SS18L2: variants seen among roughly 807,000 people sequenced by gnomAD.
SS18L2 encodes the protein SS18-like protein 2.
In SS18L2, 8 loss-of-function variants were observed where a neutral mutation model predicts 10.3. The observed-to-expected ratio is 0.78, with a 90% CI of 0.46 to 1.41. SS18L2 has a LOEUF of 1.41. Ranked by LOEUF, SS18L2 falls within the 40% of genes most tolerant of loss-of-function variation. The probability of loss-of-function intolerance (pLI) is 0.00; values close to 1 mark genes in which losing one functional copy is unlikely to be tolerated. For missense variants in SS18L2, 100 were observed against 96.2 expected (o/e 1.04, Z -0.17); for synonymous variants, 41 against 34.6 (o/e 1.19, Z -0.65).
At chr3:42,586,769 T>C (rs1189922129), upstream of SS18L2, among the ~76,000 whole-genome samples, 1 of 152,182 alleles carries the variant, frequency 6.6e-6, no homozygotes, top group African/African-American at 2.4e-5. Flanking sequence ...GTGATGTTTC[T>C]CAAAGCTGTA....
At chr3:42,591,153 T>C in intron 1 of SS18L2, 187 bp downstream of exon 1, 1 of 653,386 alleles carries the variant, frequency 1.5e-6, no homozygotes, top group Non-Finnish European at 2.7e-6. Flanking sequence ...CGGCATGGGG[T>C]TCGGTCCCCC....
At chr3:42,588,420 C>CAA (rs1559535238), upstream of SS18L2, among the ~76,000 whole-genome samples, 3 of 151,984 alleles carry the variant, frequency 2.0e-5, no homozygotes, top group Non-Finnish European at 4.4e-5. Context: ...ACAACAACAA[C>CAA]AAAAAAACCC....
intron 1 of SS18L2, among the ~76,000 whole-genome samples, chr3:42,585,155 C>CA (rs1481760968): frequency 6.6e-6 from 1 of 151,772 alleles, no homozygotes; most frequent in African/African-American, 2.4e-5. Context: ...CAAAACAAAA[C>CA]AAACAAACAA....
At chr3:42,583,600 T>G (rs548776570) in intron 1 of SS18L2, among the ~76,000 whole-genome samples, 1 of 152,318 alleles carries the variant, frequency 6.6e-6, no homozygotes, top group East Asian at 1.9e-4. Flanking sequence ...TAAGGGATAC[T>G]CAGGTAGCTG....
chr3:42,594,287 C>T (rs1402130248), intron 2 of SS18L2, 135 bp from the exon 3 acceptor site: 11 of 649,458 alleles, frequency 1.7e-5, no homozygotes, highest in Non-Finnish European at 2.2e-5. Context: ...ATATGTTAAA[C>T]AAGAAGGTTG....
intron 1 of SS18L2, 81 bp downstream of exon 1, chr3:42,591,047 A>C: frequency 6.9e-7 from 1 of 1,457,138 alleles, no homozygotes; most frequent in Non-Finnish European, 9.3e-7. Context: ...AGCATCCTGT[A>C]GTGAGCGGCC....
At chr3:42,591,357 C>G (rs1036908959) in intron 1 of SS18L2, 168 bp from the exon 2 acceptor site, 9 of 607,416 alleles carry the variant, frequency 1.5e-5, no homozygotes, top group Non-Finnish European at 2.6e-5. Flanking sequence ...CGACGCCACT[C>G]CCGGCTAATT....
rs779902672 is a variant in SS18L2, at chr3:42,591,608, A to G, written c.146+7A>G. 3.7e-6 allele frequency: 6 copies of G among 1,605,254 alleles called. No individual in the cohort carries two copies. The East Asian group carries it at 6.7e-5, about 18-fold the overall frequency. Reference sequence around the variant, plus strand: ...GCGGGAACGAGTGCGTGCAGTAAGTACCCCCACCCCCGCGCCCCTGACCTG... The same window carrying G: ...GCGGGAACGAGTGCGTGCAGTAAGTGCCCCCACCCCCGCGCCCCTGACCTG... On this transcript the variant is annotated splice_region_variant and intron_variant, in intron 2 of 2. Coordinates refer to ENST00000011691, the MANE Select transcript of SS18L2 (RefSeq NM_001370300.1).
upstream of SS18L2, among the ~76,000 whole-genome samples, chr3:42,586,304 C>A (rs1280268502): frequency 6.6e-6 from 1 of 152,192 alleles, no homozygotes; most frequent in African/African-American, 2.4e-5. Flanking sequence ...CTTACTGCAA[C>A]CTCTGCCTGC....
Position 42,593,182 on chromosome 3 carries a change from G to A in SS18L2, c.147-1240G>A, listed in dbSNP as rs183812965. ...TGTGGCATTACAGTGGGAGGCTGAGGCGGGCAGATCATCTGAGGTCAGGAG... is the reference window on the plus strand; with the variant it reads ...TGTGGCATTACAGTGGGAGGCTGAGACGGGCAGATCATCTGAGGTCAGGAG... On this transcript the variant is annotated intron_variant, in intron 2 of 2. Transcript: ENST00000011691. Among the ~76,000 whole-genome samples, 207 of 152,282 alleles carry A rather than the reference G, an allele frequency of 1.4e-3. 8 individuals carry two copies. The highest frequency in any genetic ancestry group is 0.013 in the Admixed American group (206 of 15,296).
chr3:42,590,745 G>A (rs1306678662), upstream of SS18L2: 9 of 815,290 alleles, frequency 1.1e-5, 1 homozygote, highest in Admixed American at 1.9e-5. Context: ...ACCGAGGAAA[G>A]CGCTGAGTAT....
At chr3:42,589,531 G>C (rs893320130), upstream of SS18L2, among the ~76,000 whole-genome samples, 1 of 152,170 alleles carries the variant, frequency 6.6e-6, no homozygotes, top group Non-Finnish European at 1.5e-5. Context: ...CAGGGGACCG[G>C]TACCGCATAG....
chr3:42,585,057 A>G (rs1323835730), intron 1 of SS18L2, among the ~76,000 whole-genome samples: 1 of 152,198 alleles, frequency 6.6e-6, no homozygotes, highest in African/African-American at 2.4e-5. Context: ...TGAACCTGGG[A>G]GGAGGAGGCT....
rs1318662560 is a variant in SS18L2 at position 42,595,542 on chromosome 3, C to T, written c.*1033C>T. On this transcript the variant is annotated 3_prime_UTR_variant, in exon 3 of 3. Coordinates refer to ENST00000011691, the MANE Select transcript of SS18L2 (RefSeq NM_001370300.1). ...ACTTTTAAGTTCCCAACCAGCCTTT[C>T]ACTTAAATTATGATCCACCCAGCTT... Among the ~76,000 whole-genome samples, 1 of 152,208 alleles carries T rather than the reference C, an allele frequency of 6.6e-6. No individual in the cohort carries two copies. The highest frequency in any genetic ancestry group is 1.5e-5 in the Non-Finnish European group (1 of 68,032).
At chr3:42,582,854 A>C (rs1704469633) in intron 1 of SS18L2, among the ~76,000 whole-genome samples, 1 of 152,216 alleles carries the variant, frequency 6.6e-6, no homozygotes, top group Non-Finnish European at 1.5e-5. Flanking sequence ...GGATGAAAAG[A>C]AACCCAGAAA....
Position 42,596,584 on chromosome 3 carries a change from A to G in SS18L2, c.*2075A>G, listed in dbSNP as rs1262421626. Among the ~76,000 whole-genome samples, 1 of 152,204 alleles carries G rather than the reference A, an allele frequency of 6.6e-6. No homozygotes were observed. The highest frequency in any genetic ancestry group is 1.5e-5 in the Non-Finnish European group (1 of 68,030). ...GGAAGAGATGGAGGAGGTGTCAGTC[A>G]TTTTGGTTGATACTAGCCCTAGGCC... On this transcript the variant is annotated 3_prime_UTR_variant, in exon 3 of 3. Transcript: ENST00000011691.
At chr3:42,590,298 T>A (rs1460482664), upstream of SS18L2, among the ~76,000 whole-genome samples, 2 of 152,058 alleles carry the variant, frequency 1.3e-5, no homozygotes, top group East Asian at 3.9e-4. Flanking sequence ...GGACAATGGA[T>A]CTGAAGCCAT....
chr3:42,586,585 T>TA (rs35415799), upstream of SS18L2, among the ~76,000 whole-genome samples: 54,801 of 139,624 alleles, frequency 0.39, 11,395 homozygotes, highest in East Asian at 0.58. Context: ...AGTCACTGTT[T>TA]AAAAAAAAAA....
At chr3:42,588,742 C>T (rs1704707276), upstream of SS18L2, among the ~76,000 whole-genome samples, 1 of 152,098 alleles carries the variant, frequency 6.6e-6, no homozygotes, top group South Asian at 2.1e-4. Context: ...TGTCATTCCT[C>T]ACTTGTCTAA....
Sources: allele counts gnomAD v4.1 joint callset (sites outside exome capture counted in the v4.1 genomes callset), GRCh38; gene constraint gnomAD v4.1.1; transcripts MANE v1.5; gene names NCBI Gene and HGNC (gene_info 2026-07-23, HGNC 2026-07-21).